RAI14: variants seen among roughly 807,000 people sequenced by gnomAD.
The protein encoded by RAI14 is ankycorbin.
Under a neutral mutation model 115.4 loss-of-function variants are expected in RAI14, and 45 were observed. The ratio of observed to expected loss-of-function variants is 0.39; its 90% CI spans 0.31 to 0.50. The LOEUF is 0.50. RAI14 is among the 20% of genes least tolerant of loss of function. The probability of loss-of-function intolerance (pLI) is 0.85; values close to 1 mark genes in which losing one functional copy is unlikely to be tolerated. For synonymous variants in RAI14, 371 were observed against 415.4 expected (o/e 0.89, Z 1.30); for missense variants, 939 against 1,131.2 (o/e 0.83, Z 2.44).
At position 34,821,734 on chromosome 5, in the gene RAI14, G is replaced by T. The variant is rs780617261; in HGVS notation, c.997G>T (p.Ala333Ser). Reference sequence around the variant, plus strand: ...TAAATGGCTTTCTCTTTCCCAAGGTGCTGATAGCTTATTGGATATAAGTTC... The same window carrying T: ...TAAATGGCTTTCTCTTTCCCAAGGTTCTGATAGCTTATTGGATATAAGTTC... ...KDRLSDSTTG[A>S]DSLLDISSEA... Residue 333 changes from alanine (A) to serine (S), a missense_variant and splice_region_variant, in exon 14 of 18, where the codon GCT becomes TCT. Physicochemically the swap from Ala to Ser is moderately conservative, Grantham distance 99. Transcript: ENST00000265109. The T allele has an allele frequency of 1.3e-6, 2 of 1,564,990 alleles. No homozygotes were observed. The highest frequency in any genetic ancestry group is 1.1e-5 in the South Asian group (1 of 89,764).
intron 3 of RAI14, 129 bp downstream of exon 3, chr5:34,757,727 G>T: frequency 2.4e-6 from 3 of 1,227,516 alleles, no homozygotes; most frequent in Non-Finnish European, 3.2e-6. Flanking sequence ...TATGTAAGAA[G>T]ATATTTTAAT....
chr5:34,807,362 C>T (rs1330283099), intron 5 of RAI14, among the ~76,000 whole-genome samples: 1 of 152,108 alleles, frequency 6.6e-6, no homozygotes, highest in African/African-American at 2.4e-5. Context: ...AGGCCATCTC[C>T]TTGGACTCGA....
intron 2 of RAI14, among the ~76,000 whole-genome samples, chr5:34,717,195 G>T (rs1183472079): frequency 1.3e-5 from 2 of 152,124 alleles, no homozygotes; most frequent in Non-Finnish European, 2.9e-5. Context: ...TTCATTTTAA[G>T]ACTATTTATT....
intron 3 of RAI14, among the ~76,000 whole-genome samples, chr5:34,758,639 G>T (rs1433496559): frequency 6.6e-6 from 1 of 152,124 alleles, no homozygotes; most frequent in African/African-American, 2.4e-5. Flanking sequence ...GAACTCCTGG[G>T]CCCAAGCAAT....
At chr5:34,824,581 T>A in intron 15 of RAI14, 90 bp downstream of exon 15, 1 of 1,033,586 alleles carries the variant, frequency 9.7e-7, no homozygotes, top group Non-Finnish European at 1.4e-6. Flanking sequence ...GTGTTGGCAC[T>A]AAACTGGAGT....
chr5:34,777,554 T>C (rs1194276333), intron 3 of RAI14, among the ~76,000 whole-genome samples: 1 of 151,894 alleles, frequency 6.6e-6, no homozygotes, highest in Non-Finnish European at 1.5e-5. Flanking sequence ...CTGAGGCAGG[T>C]GGATCTTCTG....
At chr5:34,750,847 C>CTTTTTTTTTTTTTTT (rs1561309335) in intron 2 of RAI14, among the ~76,000 whole-genome samples, 2 of 62,454 alleles carry the variant, frequency 3.2e-5, no homozygotes, top group African/African-American at 1.5e-4. Flanking sequence ...TTTGCTTTAT[C>CTTTTTTTTTTTTTTT]ATTTTTTTTT....
At chr5:34,665,810 G>A (rs1036617374) in intron 1 of RAI14, among the ~76,000 whole-genome samples, 1 of 152,070 alleles carries the variant, frequency 6.6e-6, no homozygotes, top group African/African-American at 2.4e-5. Context: ...TTTCTATCAT[G>A]TGCCGCTATT....
chr5:34,707,575 T>G (rs1740857993), intron 2 of RAI14, among the ~76,000 whole-genome samples: 2 of 152,228 alleles, frequency 1.3e-5, no homozygotes, highest in South Asian at 2.1e-4. Context: ...CCACTGATAA[T>G]TGCTTCTGTA....
intron 3 of RAI14, among the ~76,000 whole-genome samples, chr5:34,786,138 G>A (rs541199045): frequency 6.6e-6 from 1 of 152,350 alleles, no homozygotes; most frequent in Admixed American, 6.5e-5. Flanking sequence ...TTTGGAACGG[G>A]GCCCGGGATG....
chr5:34,768,001 A>G (rs368715227), intron 3 of RAI14, among the ~76,000 whole-genome samples: 1 of 151,416 alleles, frequency 6.6e-6, no homozygotes, highest in African/African-American at 2.4e-5. Flanking sequence ...GAGGGCCACC[A>G]TCCTCCAGAC....
At chr5:34,694,556 T>A (rs895647749) in intron 2 of RAI14, among the ~76,000 whole-genome samples, 1 of 152,100 alleles carries the variant, frequency 6.6e-6, no homozygotes. Context: ...TAGAGTAGTT[T>A]TTATTGTATT....
intron 2 of RAI14, among the ~76,000 whole-genome samples, chr5:34,745,426 T>C (rs1746036426): frequency 6.6e-6 from 1 of 152,204 alleles, no homozygotes; most frequent in Non-Finnish European, 1.5e-5. Context: ...ACCAGGATTT[T>C]TCCTTTCTGC....
intron 3 of RAI14, among the ~76,000 whole-genome samples, chr5:34,758,098 G>A (rs762346585): frequency 6.9e-4 from 105 of 152,202 alleles, no homozygotes; most frequent in Non-Finnish European, 6.5e-4. Flanking sequence ...TTGTGCATGA[G>A]CATGTATTTG....
intron 3 of RAI14, among the ~76,000 whole-genome samples, chr5:34,780,747 C>T (rs369437682): frequency 6.6e-6 from 1 of 152,102 alleles, no homozygotes; most frequent in African/African-American, 2.4e-5. Context: ...TGTGGAGAAA[C>T]AGGAACACTT....
chr5:34,698,829 G>A (rs762674224), intron 2 of RAI14, among the ~76,000 whole-genome samples: 6 of 152,164 alleles, frequency 3.9e-5, no homozygotes, highest in South Asian at 4.1e-4. Flanking sequence ...TTGAGAGACC[G>A]TAACCAGAAA....
rs1000588709 is a variant in RAI14 at position 34,668,266 on chromosome 5, C to T, written c.-49+11791C>T. Among the ~76,000 whole-genome samples the T allele has an allele frequency of 8.5e-5, 13 of 152,170 alleles. No homozygotes were observed. The South Asian group carries it at 1.0e-3, about 12-fold the overall frequency. On this transcript the variant is annotated intron_variant, in intron 1 of 17. Coordinates refer to ENST00000265109, the MANE Select transcript of RAI14 (RefSeq NM_015577.3). ...AAAATTAGCTGGGCATGATGGCGCA[C>T]GCCTGTGATCCCAGATTCTCGAGAG...
intron 2 of RAI14, among the ~76,000 whole-genome samples, chr5:34,739,545 G>T (rs1382114145): frequency 1.3e-5 from 2 of 152,172 alleles, no homozygotes; most frequent in South Asian, 4.1e-4. Flanking sequence ...TCAAATAGTT[G>T]CAATGGAGAC....
At chr5:34,668,411 G>T (rs938747082) in intron 1 of RAI14, among the ~76,000 whole-genome samples, 1 of 149,792 alleles carries the variant, frequency 6.7e-6, no homozygotes, top group Non-Finnish European at 1.5e-5. Flanking sequence ...AAAAAAAAAG[G>T]TGGGCCCCAC....
Sources: gnomAD v4.1 joint callset for allele counts (sites outside exome capture counted in the v4.1 genomes callset) on GRCh38, gnomAD v4.1.1 for gene constraint, MANE v1.5 for transcripts, NCBI Gene and HGNC (gene_info 2026-07-23, HGNC 2026-07-21) for gene names.